The following CRPPA variants were observed in gnomAD, a reference collection of about 807,000 sequenced individuals.
The protein encoded by CRPPA is CDP-L-ribitol pyrophosphorylase A, also known as D-ribitol-5-phosphate cytidylyltransferase.
Under a neutral mutation model 52.0 loss-of-function variants are expected in CRPPA, and 43 were observed. That is an observed-to-expected ratio of 0.83 (90% CI 0.65 to 1.07). CRPPA has a LOEUF of 1.07. Among genes scored for constraint, CRPPA ranks in the 50% least tolerant of loss-of-function variants. The probability of loss-of-function intolerance (pLI) is 0.00; values close to 1 mark genes in which losing one functional copy is unlikely to be tolerated. For synonymous variants in CRPPA, 250 were observed against 203.5 expected, an observed-to-expected ratio of 1.23 and a Z score of -1.94; for missense variants, 629 against 551.7, an observed-to-expected ratio of 1.14 and a Z score of -1.40.
chr7:16,375,717 G>A (rs893197986), intron 3 of CRPPA, among the ~76,000 whole-genome samples: 12 of 152,244 alleles, frequency 7.9e-5, no homozygotes, highest in African/African-American at 2.9e-4. Flanking sequence ...TGGAATTTTT[G>A]TATGTGCCAA....
chr7:16,288,146 T>C (rs1784487831), intron 5 of CRPPA, among the ~76,000 whole-genome samples: 1 of 152,228 alleles, frequency 6.6e-6, no homozygotes, highest in African/African-American at 2.4e-5. Context: ...CCACCCAGAC[T>C]TGGTACTTTG....
chr7:16,151,843 A>G (rs889093474), intron 9 of CRPPA, among the ~76,000 whole-genome samples: 5 of 152,058 alleles, frequency 3.3e-5, no homozygotes, highest in African/African-American at 1.2e-4. Context: ...TAAATATTGT[A>G]GGAAATTACA....
intron 9 of CRPPA, among the ~76,000 whole-genome samples, chr7:16,101,695 A>G (rs1210622979): frequency 6.6e-6 from 1 of 152,192 alleles, no homozygotes; most frequent in Non-Finnish European, 1.5e-5. Context: ...GAGCCAAATC[A>G]TGAGTTAACT....
At chr7:16,336,832 G>A (rs1411197839) in intron 3 of CRPPA, among the ~76,000 whole-genome samples, 2 of 151,996 alleles carry the variant, frequency 1.3e-5, no homozygotes, top group African/African-American at 2.4e-5. Flanking sequence ...GAAAAGAGGG[G>A]TAGCAGGGTA....
At chr7:16,294,228 T>G (rs1341935646) in intron 5 of CRPPA, among the ~76,000 whole-genome samples, 1 of 151,846 alleles carries the variant, frequency 6.6e-6, no homozygotes, top group African/African-American at 2.4e-5. Flanking sequence ...ATCATTTGGG[T>G]TTTTTTGGGT....
chr7:16,329,019 T>C (rs1250800860), intron 3 of CRPPA, among the ~76,000 whole-genome samples: 5 of 152,180 alleles, frequency 3.3e-5, no homozygotes, highest in Admixed American at 2.0e-4. Flanking sequence ...AGTAACATAC[T>C]ATAAGTCCAC....
intron 9 of CRPPA, among the ~76,000 whole-genome samples, chr7:16,166,437 G>A (rs750593664): frequency 6.6e-6 from 1 of 151,810 alleles, no homozygotes; most frequent in Non-Finnish European, 1.5e-5. Flanking sequence ...GCATCACCAC[G>A]CCCAGCTAAT....
At chr7:16,187,306 G>C (rs1370839523) in intron 9 of CRPPA, among the ~76,000 whole-genome samples, 1 of 152,102 alleles carries the variant, frequency 6.6e-6, no homozygotes, top group East Asian at 1.9e-4. Context: ...TCAGTCTTTA[G>C]ACAAATTTCT....
intron 9 of CRPPA, among the ~76,000 whole-genome samples, chr7:16,140,434 G>A (rs1295337302): frequency 2.0e-5 from 3 of 152,122 alleles, no homozygotes; most frequent in Admixed American, 6.5e-5. Context: ...CAGAGTGCTA[G>A]GATTACAGGT....
chr7:16,207,151 G>A (rs1054081499), intron 9 of CRPPA, among the ~76,000 whole-genome samples: 2 of 152,026 alleles, frequency 1.3e-5, no homozygotes, highest in African/African-American at 4.8e-5. Context: ...TTACTGAGTG[G>A]GAAAGAAAGT....
At chr7:16,182,337 G>A (rs144346623) in intron 9 of CRPPA, among the ~76,000 whole-genome samples, 126 of 151,984 alleles carry the variant, frequency 8.3e-4, no homozygotes, top group Non-Finnish European at 1.5e-3. Context: ...GGGAGGGCTG[G>A]GGATGTTGGT....
intron 9 of CRPPA, among the ~76,000 whole-genome samples, chr7:16,182,883 A>G (rs1461648023): frequency 6.6e-6 from 1 of 152,208 alleles, no homozygotes. Flanking sequence ...GCTGAGTTGA[A>G]GTAACAAAAA....
intron 9 of CRPPA, among the ~76,000 whole-genome samples, chr7:16,201,694 G>A (rs1362819376): frequency 2.6e-5 from 4 of 152,178 alleles, no homozygotes; most frequent in Admixed American, 1.3e-4. Flanking sequence ...TCGCTGAGCT[G>A]CAGGGCAGTG....
At chr7:16,211,700 G>GA (rs1194212558) in intron 9 of CRPPA, among the ~76,000 whole-genome samples, 1 of 152,102 alleles carries the variant, frequency 6.6e-6, no homozygotes, top group Non-Finnish European at 1.5e-5. Flanking sequence ...CCTTTGAGAT[G>GA]AAAAAATGGA....
chr7:16,302,241 T>A (rs186087428), intron 4 of CRPPA, among the ~76,000 whole-genome samples: 111 of 129,778 alleles, frequency 8.6e-4, no homozygotes, highest in African/African-American at 2.2e-3. Context: ...GCTTGCAGTG[T>A]GCCGAGATTG....
chr7:16,278,020 A>G (rs1784244956), intron 6 of CRPPA, 109 bp downstream of exon 6: 1 of 676,372 alleles, frequency 1.5e-6, no homozygotes, highest in Non-Finnish European at 2.6e-6. Flanking sequence ...AAATAATAAG[A>G]ACATTATGAT....
chr7:16,160,600 T>G (rs1439458258), intron 9 of CRPPA, among the ~76,000 whole-genome samples: 1 of 152,200 alleles, frequency 6.6e-6, no homozygotes, highest in Non-Finnish European at 1.5e-5. Context: ...GGTAGCATGA[T>G]GCCTACAGCT....
intron 2 of CRPPA, among the ~76,000 whole-genome samples, chr7:16,393,988 C>A (rs1787507747): frequency 6.7e-6 from 1 of 148,214 alleles, no homozygotes; most frequent in Non-Finnish European, 1.5e-5. Flanking sequence ...AAAGAGAAAG[C>A]ATTTTCCAGT....
chr7:16,390,198 T>C lies in CRPPA; in HGVS notation c.535-13957A>G, dbSNP rs556743717. Among the ~76,000 whole-genome samples the C allele has an allele frequency of 7.9e-5, 12 of 152,002 alleles. No individual in the cohort carries two copies. The South Asian group carries it at 2.5e-3, about 32-fold the overall frequency. On this transcript the variant is annotated intron_variant, in intron 2 of 9. Coordinates refer to ENST00000407010, the MANE Select transcript of CRPPA (RefSeq NM_001101426.4). ...GTCTTCTTCTTTCTGTCCTGCCTCC[T>C]CAATTTCCAGACTTCCATTTAATTA...
Sources: gnomAD v4.1 joint callset for allele counts (sites outside exome capture counted in the v4.1 genomes callset) on GRCh38, gnomAD v4.1.1 for gene constraint, MANE v1.5 for transcripts, NCBI Gene and HGNC (gene_info 2026-07-23, HGNC 2026-07-21) for gene names.